The following HECW1 variants were observed in gnomAD, a reference collection of about 807,000 sequenced individuals.
HECW1 encodes HECT, C2 and WW domain containing E3 ubiquitin protein ligase 1.
Under a neutral mutation model 182.3 loss-of-function variants are expected in HECW1, and 61 were observed. The ratio of observed to expected loss-of-function variants is 0.33; its 90% confidence interval spans 0.27 to 0.41. The LOEUF is 0.41. HECW1 is among the 10% of genes least tolerant of loss of function. The pLI, the probability that HECW1 is intolerant of heterozygous loss-of-function variation, is 1.00. For missense variants in HECW1, 1,739 were observed against 2,108.9 expected, an observed-to-expected ratio of 0.82 and a Z score of 3.44; for synonymous variants, 859 against 832.6, an observed-to-expected ratio of 1.03 and a Z score of -0.55.
chr7:43,336,148 C>CTCTCTT (rs1812224257), intron 5 of HECW1, among the ~76,000 whole-genome samples: 25 of 48,682 alleles, frequency 5.1e-4, no homozygotes, highest in Non-Finnish European at 7.1e-4. Context: ...CTCTCTTTCT[C>CTCTCTT]TCTCTCTCTC....
At chr7:43,127,395 T>C (rs1288132525) in intron 2 of HECW1, among the ~76,000 whole-genome samples, 1 of 151,882 alleles carries the variant, frequency 6.6e-6, no homozygotes, top group Non-Finnish European at 1.5e-5. Flanking sequence ...TGGTGGCGCA[T>C]GCCTGTAATC....
At chr7:43,189,629 T>A (rs191492166) in intron 2 of HECW1, among the ~76,000 whole-genome samples, 150 of 152,292 alleles carry the variant, frequency 9.8e-4, no homozygotes, top group Admixed American at 3.1e-3. Context: ...GACCTTATTA[T>A]GAAAAATAAA....
intron 6 of HECW1, among the ~76,000 whole-genome samples, chr7:43,364,588 G>T (rs566219703): frequency 6.6e-6 from 1 of 152,236 alleles, no homozygotes; most frequent in African/African-American, 2.4e-5. Context: ...TGAGGCAGGC[G>T]CCATGAGTGG....
At chr7:43,419,218 G>C (rs2076106667) in intron 8 of HECW1, among the ~76,000 whole-genome samples, 1 of 152,132 alleles carries the variant, frequency 6.6e-6, no homozygotes, top group Non-Finnish European at 1.5e-5. Context: ...ATTTGTATTG[G>C]CATTTTAGCT....
chr7:43,518,300 T>G (rs1476243908), intron 24 of HECW1, among the ~76,000 whole-genome samples: 2 of 151,804 alleles, frequency 1.3e-5, no homozygotes, highest in African/African-American at 2.4e-5. Flanking sequence ...TTTGAGACCA[T>G]CCTGGCCAAC....
intron 2 of HECW1, among the ~76,000 whole-genome samples, chr7:43,213,046 A>T (rs113168927): frequency 4.6e-5 from 7 of 152,214 alleles, no homozygotes; most frequent in African/African-American, 1.7e-4. Context: ...GAAATTAGTA[A>T]TATGTCAATT....
chr7:43,348,111 T>G (rs777893020), intron 5 of HECW1, among the ~76,000 whole-genome samples: 15 of 152,184 alleles, frequency 9.9e-5, no homozygotes, highest in Non-Finnish European at 2.1e-4. Flanking sequence ...TTTCAATGTC[T>G]GGTAGAATTT....
chr7:43,383,391 T>A (rs2074638371), intron 6 of HECW1, among the ~76,000 whole-genome samples: 1 of 152,222 alleles, frequency 6.6e-6, no homozygotes, highest in Non-Finnish European at 1.5e-5. Context: ...TAATTTACAC[T>A]CCCACCAATA....
intron 3 of HECW1, among the ~76,000 whole-genome samples, chr7:43,283,298 G>T (rs567917406): frequency 6.6e-6 from 1 of 152,208 alleles, no homozygotes; most frequent in South Asian, 2.1e-4. Flanking sequence ...GTGAACACCG[G>T]AGTTTTTCAG....
intron 3 of HECW1, chr7:43,274,648 A>AGAGAGAGAGAGAGAGC (rs543169686): frequency 5.8e-4 from 173 of 299,746 alleles, no homozygotes; most frequent in African/African-American, 3.7e-3. Flanking sequence ...AGGGAGGGAG[A>AGAGAGAGAGAGAGAGC]GAGAGAGAGA....
chr7:43,175,668 C>G (rs906992398), intron 2 of HECW1, among the ~76,000 whole-genome samples: 11 of 152,246 alleles, frequency 7.2e-5, no homozygotes, highest in African/African-American at 2.6e-4. Flanking sequence ...CTTTGCTAGA[C>G]CTTGTCCGTG....
rs2082258262 is a variant in HECW1, at chr7:43,563,333, T to A, written c.*1407T>A. ...ACTACATTTGAAATAAACCCAACCA[T>A]AATGGTCATTTGCTATTTTTCTAAC... On this transcript the variant is annotated 3_prime_UTR_variant, in exon 30 of 30. Coordinates refer to ENST00000395891, the MANE Select transcript of HECW1 (RefSeq NM_015052.5). 4.8e-6 allele frequency: 1 copy of A among 209,594 alleles called. No homozygotes were observed. 13.0% of individuals were successfully genotyped at this position (209,594 alleles called of 1,614,324 possible).
chr7:43,434,444 T>C (rs1408051428), intron 8 of HECW1, among the ~76,000 whole-genome samples: 1 of 152,188 alleles, frequency 6.6e-6, no homozygotes, highest in Non-Finnish European at 1.5e-5. Context: ...GTCCAGAACT[T>C]GGATGTGCAG....
At chr7:43,289,446 C>T (rs963799189) in intron 3 of HECW1, among the ~76,000 whole-genome samples, 1 of 152,202 alleles carries the variant, frequency 6.6e-6, no homozygotes, top group Non-Finnish European at 1.5e-5. Flanking sequence ...AGTGGCAGCT[C>T]TACCCTTACA....
At chr7:43,338,853 T>G (rs1812616846) in intron 5 of HECW1, among the ~76,000 whole-genome samples, 1 of 152,238 alleles carries the variant, frequency 6.6e-6, no homozygotes, top group South Asian at 2.1e-4. Context: ...CCTTTAGTAT[T>G]TCTTTTAGTG....
chr7:43,490,923 T>C (rs572833853), intron 17 of HECW1, among the ~76,000 whole-genome samples: 135 of 152,194 alleles, frequency 8.9e-4, no homozygotes, highest in Middle Eastern at 3.4e-3. Flanking sequence ...ATGCCTGGCT[T>C]ATTTTTAGAT....
chr7:43,368,646 C>T (rs1027638723), intron 6 of HECW1, among the ~76,000 whole-genome samples: 1 of 152,194 alleles, frequency 6.6e-6, no homozygotes, highest in African/African-American at 2.4e-5. Context: ...TAGATTCTAT[C>T]CTAGCCCAAC....
At chr7:43,368,607 T>C (rs775787676) in intron 6 of HECW1, among the ~76,000 whole-genome samples, 24 of 152,100 alleles carry the variant, frequency 1.6e-4, no homozygotes, top group Non-Finnish European at 2.8e-4. Flanking sequence ...TCACAATCTC[T>C]AACCTCTCAA....
In HECW1 at chr7:43,442,630, G is replaced by A. The variant is rs1489633853; in HGVS notation, c.1045+1G>A. The stretch of plus-strand genomic sequence containing the variant: ...GAGATCACTTCCTCCATCCACCCAG[G>A]TATTTTCAGCATGAACTTCATGTCT... On this transcript the variant is annotated splice_donor_variant, in intron 10 of 29. Transcript: ENST00000395891. LOFTEE classifies it high-confidence loss of function. 1 of 1,602,874 alleles carries A rather than the reference G, an allele frequency of 6.2e-7. No homozygotes were observed. Among genetic ancestry groups the A allele is most frequent in the Non-Finnish European group, 8.5e-7 (1 of 1,170,106 alleles).
Sources: allele counts gnomAD v4.1 joint callset (sites outside exome capture counted in the v4.1 genomes callset), GRCh38; gene constraint gnomAD v4.1.1; transcripts MANE v1.5; gene names NCBI Gene and HGNC (gene_info 2026-07-23, HGNC 2026-07-21).